PRDM8: variants seen among roughly 807,000 people sequenced by gnomAD.
PRDM8 encodes the protein PR domain zinc finger protein 8.
Under a neutral mutation model 46.5 loss-of-function variants are expected in PRDM8, and 13 were observed. The observed-to-expected ratio is 0.28, with a 90% confidence interval of 0.18 to 0.44. PRDM8 has a LOEUF of 0.44. PRDM8 is among the 20% of genes least tolerant of loss of function. PRDM8 has a pLI of 1.00. For synonymous variants in PRDM8, 473 were observed against 438.4 expected (o/e 1.08, Z -0.98); for missense variants, 998 against 955.0 (o/e 1.04, Z -0.59).
At chr4:80,191,973 C>T (rs952553221) in intron 2 of PRDM8, among the ~76,000 whole-genome samples, 4 of 152,170 alleles carry the variant, frequency 2.6e-5, no homozygotes, top group Non-Finnish European at 5.9e-5. Flanking sequence ...TAACTGGTAT[C>T]CGCTTCTCAA....
chr4:80,190,205 G>A (rs1354090441), intron 1 of PRDM8: 3 of 152,170 alleles, frequency 2.0e-5, no homozygotes, highest in African/African-American at 7.2e-5. Context: ...AAGAGTGTTA[G>A]GTTCCCGCAG....
At chr4:80,190,376 A>C (rs930461441) in intron 1 of PRDM8, among the ~76,000 whole-genome samples, 4 of 152,218 alleles carry the variant, frequency 2.6e-5, no homozygotes, top group African/African-American at 9.6e-5. Context: ...TTTGGAGCGT[A>C]CCAAGCGCAC....
At position 80,202,284 on chromosome 4, in the gene PRDM8, C is replaced by T. The variant is rs1278482278; in HGVS notation, c.822C>T (p.Gly274=). The T allele has an allele frequency of 3.7e-6, 6 of 1,611,102 alleles. No homozygotes were observed. The highest frequency in any genetic ancestry group is 4.2e-6 in the Non-Finnish European group (5 of 1,179,442). Residue 274 remains glycine (G), a synonymous_variant, in exon 4 of 4, where the codon GGC becomes GGT. Coordinates refer to ENST00000415738, the MANE Select transcript of PRDM8 (RefSeq NM_001099403.2). ...GGGAGCTGGAAAACTCCCGGGGAGG[C>T]AGCAGCTGCTCCCCAGCCCAGAGCC... is the stretch of plus-strand genomic sequence containing the variant. The part of the protein sequence containing the change: ...LARELENSRG[G]SSCSPAQSLS...
intron 2 of PRDM8, among the ~76,000 whole-genome samples, chr4:80,200,592 G>T (rs1052433370): frequency 6.6e-6 from 1 of 152,222 alleles, no homozygotes; most frequent in Non-Finnish European, 1.5e-5. Context: ...AACTCTGGGA[G>T]ATTTCACTGG....
rs149511008 is a variant in PRDM8, at chr4:80,203,746, C to CACA, written c.*214_*215insACA. The CACA allele has an allele frequency of 1.7e-4, 79 of 452,878 alleles. 1 individual carries two copies. The highest frequency in any genetic ancestry group is 2.3e-4 in the Admixed American group (6 of 26,326). The allele number at this position is 452,878 out of a possible 1,614,324, so 28.1% of individuals were successfully genotyped here. A position where few individuals can be genotyped will look rare whatever the true frequency, so the allele number is the denominator to read the frequency against. On this transcript the variant is annotated 3_prime_UTR_variant, in exon 4 of 4. Transcript: ENST00000415738. ...ATTTACCCGGGACACACACCCCCCC[C>CACA]CACACACACACACAGACACACTCAC...
chr4:80,190,681 G>C (rs1015269078), intron 1 of PRDM8, among the ~76,000 whole-genome samples: 1 of 152,166 alleles, frequency 6.6e-6, no homozygotes, highest in Admixed American at 6.5e-5. Flanking sequence ...CTAAGACATG[G>C]GCACCGGACA....
intron 1 of PRDM8, among the ~76,000 whole-genome samples, chr4:80,185,966 A>G (rs1177890837): frequency 6.6e-6 from 1 of 152,164 alleles, no homozygotes; most frequent in Non-Finnish European, 1.5e-5. Context: ...GGCGCTGTCC[A>G]CCGAAGCTGG....
chr4:80,186,205 A>G (rs1244015102), intron 1 of PRDM8, among the ~76,000 whole-genome samples: 1 of 152,148 alleles, frequency 6.6e-6, no homozygotes, highest in Non-Finnish European at 1.5e-5. Flanking sequence ...ATGGGGTAGG[A>G]TAAGAGTCAG....
chr4:80,187,129 T>C (rs1737157193), intron 1 of PRDM8, among the ~76,000 whole-genome samples: 1 of 152,286 alleles, frequency 6.6e-6, no homozygotes, highest in Non-Finnish European at 1.5e-5. Flanking sequence ...CACTGAGGAA[T>C]TGGTTTTATT....
chr4:80,196,922 G>C, upstream of PRDM8: 1 of 985,478 alleles, frequency 1.0e-6, no homozygotes, highest in South Asian at 4.7e-5. Flanking sequence ...GGAAGGCTGA[G>C]CCAAGTTCTC....
At chr4:80,190,687 G>A (rs1026762281) in intron 1 of PRDM8, among the ~76,000 whole-genome samples, 2 of 152,144 alleles carry the variant, frequency 1.3e-5, no homozygotes, top group African/African-American at 2.4e-5. Context: ...CATGGGCACC[G>A]GACAATCTAG....
Position 80,203,199 on chromosome 4 carries a change from C to T in PRDM8, c.1737C>T (p.Thr579=). The change falls in exon 4 of 4, where the codon ACC becomes ACT. Residue 579 remains threonine (T), a synonymous_variant. Transcript: ENST00000415738. ...LPKQSPFLYA[T]AFWPKSSAAA... is the part of the protein sequence containing the mutation. ...AGCAGAGCCCCTTCCTGTACGCCACCGCCTTCTGGCCCAAGAGCTCCGCTG... is the reference window on the plus strand; with the variant it reads ...AGCAGAGCCCCTTCCTGTACGCCACTGCCTTCTGGCCCAAGAGCTCCGCTG... 7.1e-6 allele frequency: 11 copies of T among 1,550,940 alleles called. No individual in the cohort carries two copies. Among genetic ancestry groups the T allele is most frequent in the South Asian group, 1.2e-5 (1 of 85,080 alleles).
rs1738694795 is a variant in PRDM8, at chr4:80,203,159, G to A, written c.1697G>A (p.Gly566Asp). ...NGGCGSLPSG[G>D]GGLPKQSPFL... Reference sequence around the variant, plus strand: ...GGTTGCGGGTCCCTGCCGAGCGGCGGCGGCGGCCTGCCTAAGCAGAGCCCC... The same window carrying A: ...GGTTGCGGGTCCCTGCCGAGCGGCGACGGCGGCCTGCCTAAGCAGAGCCCC... The change falls in exon 4 of 4, where the codon GGC becomes GAC. Residue 566 changes from glycine (G) to aspartate (D), a missense_variant. Transcript: ENST00000415738. The A allele has an allele frequency of 1.9e-6, 3 of 1,542,640 alleles. No individual in the cohort carries two copies. Among genetic ancestry groups the A allele is most frequent in the Non-Finnish European group, 1.7e-6 (2 of 1,150,934 alleles).
At chr4:80,188,558 A>G (rs1371733335) in intron 1 of PRDM8, among the ~76,000 whole-genome samples, 1 of 152,180 alleles carries the variant, frequency 6.6e-6, no homozygotes, top group East Asian at 1.9e-4. Flanking sequence ...TCAAACACAC[A>G]GGTAGGAGAT....
chr4:80,193,802 C>T (rs1050710694), upstream of PRDM8, among the ~76,000 whole-genome samples: 3 of 152,132 alleles, frequency 2.0e-5, no homozygotes, highest in Admixed American at 6.5e-5. Context: ...TTTTCCCCCC[C>T]TTTCACCATG....
chr4:80,201,406 G>A lies in PRDM8; in HGVS notation c.336G>A (p.Leu112=). Residue 112 remains leucine (L), a synonymous_variant, in exon 3 of 4, where the codon CTG becomes CTA. Coordinates refer to ENST00000415738, the MANE Select transcript of PRDM8 (RefSeq NM_001099403.2). The stretch of plus-strand genomic sequence containing the variant: ...AAGCCTACATAAAAAACGGACAGCT[G>A]TTCTACCGCTCTCTCCGCAGGATTG... ...NLEAYIKNGQ[L]FYRSLRRIAK... 1 of 1,614,232 alleles carries A rather than the reference G, an allele frequency of 6.2e-7. No individual in the cohort carries two copies. The highest frequency in any genetic ancestry group is 8.5e-7 in the Non-Finnish European group (1 of 1,180,038).
At position 80,198,255 on chromosome 4, in the gene PRDM8, C is replaced by G. The variant is rs1024382786; in HGVS notation, c.-3+492C>G. 2.0e-5 allele frequency among the ~76,000 whole-genome samples: 3 copies of G among 152,182 alleles called. No individual in the cohort carries two copies. In the South Asian group the frequency reaches 6.2e-4, roughly 32 times the overall value. On this transcript the variant is annotated intron_variant, in intron 1 of 3. Coordinates refer to ENST00000415738, the MANE Select transcript of PRDM8 (RefSeq NM_001099403.2). ...GCGCGGCGTAGTGAGGACCTTTTTG[C>G]CGTATTGTTAGGTAGAACTGCATTT...
In PRDM8 at chr4:80,202,095, C is replaced by CCAG. The variant is rs748593482; in HGVS notation, c.649_651dup (p.Gln217dup). 389 of 1,591,500 alleles carry CCAG rather than the reference C, an allele frequency of 2.4e-4. 1 individual carries two copies. Among genetic ancestry groups the CCAG allele is most frequent in the South Asian group, 5.0e-4 (45 of 89,906 alleles). On this transcript the variant is annotated inframe_insertion, in exon 4 of 4. Transcript: ENST00000415738. Reference sequence around the variant, plus strand: ...GGGGCGGCGGCGGCGGTGGCAAAGACCAGCAGCAGCAGCAGCAGGAGGCAC... The same window carrying CCAG: ...GGGGCGGCGGCGGCGGTGGCAAAGACCAGCAGCAGCAGCAGCAGCAGGAGGCAC...
At chr4:80,191,569 T>C (rs1464999956) in exon 2 of PRDM8, 1 of 152,224 alleles carries the variant, frequency 6.6e-6, no homozygotes, top group Non-Finnish European at 1.5e-5. Context: ...CACTTCATAA[T>C]GTAAGTCCAG....
Sources: gnomAD v4.1 joint callset for allele counts (sites outside exome capture counted in the v4.1 genomes callset) on GRCh38, gnomAD v4.1.1 for gene constraint, MANE v1.5 for transcripts, NCBI Gene and HGNC (gene_info 2026-07-23, HGNC 2026-07-21) for gene names.